HS3ST3B1: variants seen among roughly 807,000 people sequenced by gnomAD.
The protein encoded by HS3ST3B1 is heparan sulfate-glucosamine 3-sulfotransferase 3B1.
A neutral mutation model predicts 21.3 loss-of-function variants in HS3ST3B1; 13 were observed. The ratio of observed to expected loss-of-function variants is 0.61; its 90% CI spans 0.40 to 0.97. The LOEUF is 0.97. Among genes scored for constraint, HS3ST3B1 ranks in the 50% least tolerant of loss-of-function variants. HS3ST3B1 has a pLI of 0.00. For missense variants in HS3ST3B1, 459 were observed against 554.8 expected (o/e 0.83, Z 1.73); for synonymous variants, 234 against 254.8 (o/e 0.92, Z 0.78).
chr17:14,312,438 A>G (rs1909335476), intron 1 of HS3ST3B1, among the ~76,000 whole-genome samples: 1 of 152,092 alleles, frequency 6.6e-6, no homozygotes, highest in Admixed American at 6.5e-5. Flanking sequence ...AAAGATGTAG[A>G]CTTTTCCACT....
intron 1 of HS3ST3B1, among the ~76,000 whole-genome samples, chr17:14,317,496 G>A (rs1909535558): frequency 6.6e-6 from 1 of 152,192 alleles, no homozygotes; most frequent in Non-Finnish European, 1.5e-5. Flanking sequence ...AATGCTGTAG[G>A]AGCAGAGAGA....
intron 1 of HS3ST3B1, among the ~76,000 whole-genome samples, chr17:14,320,007 G>A (rs1368660882): frequency 9.9e-5 from 15 of 152,060 alleles, no homozygotes; most frequent in Admixed American, 8.5e-4. Flanking sequence ...AGATGAAAAG[G>A]TAGAAAGATG....
chr17:14,301,539 C>A lies in HS3ST3B1; in HGVS notation c.21C>A (p.Gly7=), dbSNP rs914664449. 3 of 1,575,120 alleles carry A rather than the reference C, an allele frequency of 1.9e-6. No individual in the cohort carries two copies. Among genetic ancestry groups the A allele is most frequent in the Middle Eastern group, 1.7e-4 (1 of 5,914 alleles). Residue 7 remains glycine (G), a synonymous_variant, in exon 1 of 2, where the codon GGC becomes GGA. Transcript: ENST00000360954. ...AGCGCATGGGGCAGCGCCTGAGTGG[C>A]GGCAGATCTTGCCTCGATGTCCCCG... MGQRLS[G]GRSCLDVPGR...
intron 1 of HS3ST3B1, among the ~76,000 whole-genome samples, chr17:14,333,847 A>G (rs1910101541): frequency 6.6e-6 from 1 of 151,528 alleles, no homozygotes; most frequent in Non-Finnish European, 1.5e-5. Flanking sequence ...GCTCACCGCA[A>G]CCTCTCCCGG....
In HS3ST3B1 at chr17:14,301,869, G is replaced by C; in HGVS notation, c.351G>C (p.Glu117Asp). Residue 117 changes from glutamate (E) to aspartate (D), a missense_variant, in exon 1 of 2, where the codon GAG (glutamate) becomes GAC (aspartate). Physicochemically the swap from Glu to Asp is conservative, Grantham distance 45. Coordinates refer to ENST00000360954, the MANE Select transcript of HS3ST3B1 (RefSeq NM_006041.3). ...CGAGCCCGGAGGAGCAGAGTCCCGA[G>C]GTGCCGGACTCCCCAAGCCCCATCT... Reference protein sequence around the residue: ...GAASPEEQSPEVPDSPSPISS... With the variant: ...GAASPEEQSPDVPDSPSPISS... 6.2e-7 allele frequency: 1 copy of C among 1,603,056 alleles called. No homozygotes were observed. The highest frequency in any genetic ancestry group is 1.7e-5 in the Admixed American group (1 of 58,432).
At chr17:14,302,138 G>A in intron 1 of HS3ST3B1, 66 bp downstream of exon 1, 2 of 1,494,992 alleles carry the variant, frequency 1.3e-6, no homozygotes, top group Non-Finnish European at 1.8e-6. Context: ...GGGAGACATG[G>A]CGTATGATAG....
At chr17:14,314,992 C>T (rs1909452600) in intron 1 of HS3ST3B1, among the ~76,000 whole-genome samples, 1 of 152,324 alleles carries the variant, frequency 6.6e-6, no homozygotes, top group East Asian at 1.9e-4. Context: ...GTCTGCTTAG[C>T]TGGCTGCCAA....
chr17:14,344,964 C>G, intron 1 of HS3ST3B1, 64 bp from the exon 2 acceptor site: 3 of 1,568,472 alleles, frequency 1.9e-6, no homozygotes, highest in Non-Finnish European at 2.6e-6. Context: ...AAGTCGTGAC[C>G]TTAAGACGTG....
At chr17:14,327,969 G>A (rs1284730064) in intron 1 of HS3ST3B1, 1 of 152,160 alleles carries the variant, frequency 6.6e-6, no homozygotes, top group Non-Finnish European at 1.5e-5. Flanking sequence ...AGCCAATGCA[G>A]GGTAAAAGGC....
At chr17:14,310,262 C>T (rs1480743850) in intron 1 of HS3ST3B1, among the ~76,000 whole-genome samples, 1 of 152,106 alleles carries the variant, frequency 6.6e-6, no homozygotes, top group Non-Finnish European at 1.5e-5. Context: ...GCACCTTCCG[C>T]GCTGTTCACA....
At chr17:14,313,128 G>GTATATATATATATATATA (rs1831725209) in intron 1 of HS3ST3B1, among the ~76,000 whole-genome samples, 4 of 54,356 alleles carry the variant, frequency 7.4e-5, no homozygotes, top group South Asian at 9.3e-4. Context: ...ATATATGTGT[G>GTATATATATATATATATA]TGTGTGTATA....
intron 1 of HS3ST3B1, among the ~76,000 whole-genome samples, chr17:14,302,555 C>T (rs1325678784): frequency 1.3e-5 from 2 of 152,164 alleles, no homozygotes; most frequent in Non-Finnish European, 2.9e-5. Context: ...CCGCGGCGTC[C>T]CGGCGAGGCC....
chr17:14,346,330 A>G lies in HS3ST3B1; in HGVS notation c.*684A>G, dbSNP rs1034086445. On this transcript the variant is annotated 3_prime_UTR_variant, in exon 2 of 2. Coordinates refer to ENST00000360954, the MANE Select transcript of HS3ST3B1 (RefSeq NM_006041.3). ...CGTAATGGTGTGATATATGCTTACC[A>G]CAACCTCTGGCTCCCGGTTCAAGCG... is the stretch of plus-strand genomic sequence containing the variant. 2.3e-5 allele frequency: 3 copies of G among 131,350 alleles called. No individual in the cohort carries two copies. Among genetic ancestry groups the G allele is most frequent in the Non-Finnish European group, 4.6e-5 (3 of 65,626 alleles). 8.1% of individuals were successfully genotyped at this position (131,350 alleles called of 1,614,324 possible).
intron 1 of HS3ST3B1, chr17:14,305,350 C>G (rs1196649907): frequency 6.6e-6 from 1 of 152,224 alleles, no homozygotes; most frequent in Non-Finnish European, 1.5e-5. Context: ...GTGTTACTTC[C>G]TGTTCCATGG....
At chr17:14,304,480 T>A (rs918952327) in intron 1 of HS3ST3B1, 3 of 152,268 alleles carry the variant, frequency 2.0e-5, no homozygotes, top group African/African-American at 7.2e-5. Flanking sequence ...AACGAATGGA[T>A]GTCTGGGCAA....
At chr17:14,318,808 A>T (rs1028120566) in intron 1 of HS3ST3B1, among the ~76,000 whole-genome samples, 2 of 152,184 alleles carry the variant, frequency 1.3e-5, no homozygotes, top group African/African-American at 4.8e-5. Flanking sequence ...GTTTTCTTCC[A>T]GTCCCAGCTG....
chr17:14,345,455 T>G lies in HS3ST3B1; in HGVS notation c.982T>G (p.Phe328Val). The change falls in exon 2 of 2, where the codon TTC becomes GTC. Residue 328 changes from phenylalanine (F) to valine (V), a missense_variant. Physicochemically the swap from Phe to Val is conservative, Grantham distance 50. This residue lies in a region of HS3ST3B1 where 127 missense variants were observed against 209.9 expected (regional missense o/e 0.60). Transcript: ENST00000360954. ...KRIITDKHFY[F>V]NKTKGFPCLK... is the part of the protein sequence containing the mutation. ...GATCATCACGGACAAGCACTTCTAC[T>G]TCAACAAGACCAAGGGCTTCCCCTG... The G allele has an allele frequency of 6.9e-7, 1 of 1,458,828 alleles. No homozygotes were observed. The highest frequency in any genetic ancestry group is 9.5e-7 in the Non-Finnish European group (1 of 1,050,660). The allele number at this position is 1,458,828 out of a possible 1,614,324, so 90.4% of individuals were successfully genotyped here.
chr17:14,326,059 G>A (rs1202974442), intron 1 of HS3ST3B1, among the ~76,000 whole-genome samples: 1 of 152,152 alleles, frequency 6.6e-6, no homozygotes. Context: ...GCGTGTGTGT[G>A]TGCATTTTCA....
chr17:14,345,733 AAT>A lies in HS3ST3B1; in HGVS notation c.*89_*90del. 6.9e-7 allele frequency: 1 copy of A among 1,451,468 alleles called. No individual in the cohort carries two copies. The highest frequency in any genetic ancestry group is 9.2e-7 in the Non-Finnish European group (1 of 1,089,426). The allele number at this position is 1,451,468 out of a possible 1,614,324, so 89.9% of individuals were successfully genotyped here. A position where few individuals can be genotyped will look rare whatever the true frequency, so the allele number is the denominator to read the frequency against. ...TAAAATGTACAGAAATCTATTTTAT[AAT>A]AATTTATTTTTAATTCATAAGCAAT... On this transcript the variant is annotated 3_prime_UTR_variant, in exon 2 of 2. Transcript: ENST00000360954.
Sources: gnomAD v4.1 joint callset for allele counts (sites outside exome capture counted in the v4.1 genomes callset) on GRCh38, gnomAD v4.1.1 for gene constraint, gnomAD v4.1.1 regional missense constraint, MANE v1.5 for transcripts, NCBI Gene and HGNC (gene_info 2026-07-23, HGNC 2026-07-21) for gene names.